Variants in TRPM3 observed in about 807,000 individuals in gnomAD.
TRPM3 encodes the protein transient receptor potential cation channel subfamily M member 3.
In TRPM3, 77 loss-of-function variants were observed where a neutral mutation model predicts 181.2. The ratio of observed to expected loss-of-function variants is 0.42; its 90% CI spans 0.35 to 0.51. TRPM3 has a LOEUF of 0.51. TRPM3 is among the 20% of genes least tolerant of loss of function. The probability of loss-of-function intolerance (pLI) is 0.01; values close to 1 mark genes in which losing one functional copy is unlikely to be tolerated. For missense variants in TRPM3, 1,759 were observed against 2,196.7 expected (o/e 0.80, Z 3.98); for synonymous variants, 745 against 796.4 (o/e 0.94, Z 1.09).
chr9:71,399,655 A>T (rs967802382), intron 1 of TRPM3, among the ~76,000 whole-genome samples: 5 of 150,598 alleles, frequency 3.3e-5, no homozygotes, highest in African/African-American at 1.2e-4. Flanking sequence ...CAGCCTCCCA[A>T]GTAGCTGGGA....
chr9:70,654,590 C>T (rs1360895679), intron 9 of TRPM3, among the ~76,000 whole-genome samples: 2 of 152,016 alleles, frequency 1.3e-5, no homozygotes, highest in Non-Finnish European at 2.9e-5. Context: ...CCCTAGGCCA[C>T]AGCTCAATTC....
chr9:70,637,672 G>T (rs1360146172), intron 11 of TRPM3, among the ~76,000 whole-genome samples: 1 of 152,050 alleles, frequency 6.6e-6, no homozygotes, highest in African/African-American at 2.4e-5. Flanking sequence ...GTGCCAGCGT[G>T]GCACCATCTA....
At chr9:71,289,520 T>A (rs1588314356) in intron 1 of TRPM3, among the ~76,000 whole-genome samples, 2 of 152,198 alleles carry the variant, frequency 1.3e-5, no homozygotes, top group East Asian at 3.9e-4. Context: ...GTTCTAGTGT[T>A]CAATAGTACA....
At chr9:70,942,432 T>C (rs1225487382) in intron 1 of TRPM3, among the ~76,000 whole-genome samples, 1 of 152,104 alleles carries the variant, frequency 6.6e-6, no homozygotes, top group Non-Finnish European at 1.5e-5. Context: ...AAAGAAGAGG[T>C]GAGCATCTCA....
rs369748350 is a variant in TRPM3 at position 70,536,235 on chromosome 9, C to T, written c.4878G>A (p.Gln1626=). 6 of 1,614,096 alleles carry T rather than the reference C, an allele frequency of 3.7e-6. No homozygotes were observed. The highest frequency in any genetic ancestry group is 1.7e-5 in the Admixed American group (1 of 60,010). Residue 1626 remains glutamine (Q), a synonymous_variant, in exon 26 of 26, where the codon CAG becomes CAA. Coordinates refer to ENST00000677713, the MANE Select transcript of TRPM3 (RefSeq NM_001366145.2). ...GRRATIAISS[Q]EGDNSERTLS... ...GGGTTCTCTCTGAGTTATCACCCTC[C>T]TGGGAGGATATTGCAATGGTGGCTC... is the stretch of plus-strand genomic sequence containing the variant.
chr9:71,229,049 G>A (rs916494432), intron 1 of TRPM3, among the ~76,000 whole-genome samples: 4 of 152,094 alleles, frequency 2.6e-5, no homozygotes, highest in African/African-American at 4.8e-5. Flanking sequence ...AAGGAATCAC[G>A]TTACCTGACT....
chr9:70,763,581 T>C (rs55657502), intron 7 of TRPM3, among the ~76,000 whole-genome samples: 2,706 of 152,324 alleles, frequency 0.018, 36 homozygotes, highest in Middle Eastern at 0.051. Context: ...TTAATTATTC[T>C]GAATGATTCT....
intron 1 of TRPM3, among the ~76,000 whole-genome samples, chr9:71,004,520 A>G (rs1463482568): frequency 6.6e-6 from 1 of 152,236 alleles, no homozygotes; most frequent in African/African-American, 2.4e-5. Flanking sequence ...GAACAGGCAA[A>G]TGGGGGAGGT....
At chr9:70,654,712 T>G (rs2060046317) in intron 9 of TRPM3, among the ~76,000 whole-genome samples, 1 of 149,850 alleles carries the variant, frequency 6.7e-6, no homozygotes, top group Non-Finnish European at 1.5e-5. Context: ...AGGTGGAGTC[T>G]CGCTCTGTCA....
intron 1 of TRPM3, among the ~76,000 whole-genome samples, chr9:71,132,327 C>T (rs537687972): frequency 2.6e-5 from 4 of 151,246 alleles, no homozygotes; most frequent in African/African-American, 7.2e-5. Context: ...GGGAACCACA[C>T]ACTGAGCATT....
intron 1 of TRPM3, among the ~76,000 whole-genome samples, chr9:71,212,006 A>G (rs913169700): frequency 2.0e-5 from 3 of 152,176 alleles, no homozygotes; most frequent in African/African-American, 7.2e-5. Context: ...CCAGGCCCCA[A>G]GATGTTGGGG....
chr9:71,126,873 T>C (rs2074064724), intron 1 of TRPM3, among the ~76,000 whole-genome samples: 1 of 152,198 alleles, frequency 6.6e-6, no homozygotes, highest in South Asian at 2.1e-4. Flanking sequence ...ACAGTTCTGG[T>C]TGACAGAAAA....
At chr9:71,344,141 AC>A in intron 1 of TRPM3, among the ~76,000 whole-genome samples, 1 of 152,160 alleles carries the variant, frequency 6.6e-6, no homozygotes, top group East Asian at 1.9e-4. Context: ...GTCATTTTAA[AC>A]CACCACAGAA....
At chr9:71,335,745 CAT>C (rs1179002087) in intron 1 of TRPM3, among the ~76,000 whole-genome samples, 2 of 151,994 alleles carry the variant, frequency 1.3e-5, no homozygotes, top group Non-Finnish European at 2.9e-5. Context: ...ATTTTGTAAA[CAT>C]AAAGAATGTC....
chr9:70,811,211 A>T (rs2131408936), intron 6 of TRPM3: 4 of 1,612,682 alleles, frequency 2.5e-6, no homozygotes, highest in Non-Finnish European at 3.4e-6. Context: ...TGAATAAAAC[A>T]AGCGGGAGTC....
chr9:71,410,102 T>C (rs1006175627), intron 1 of TRPM3, among the ~76,000 whole-genome samples: 5 of 152,252 alleles, frequency 3.3e-5, no homozygotes, highest in Admixed American at 3.3e-4. Flanking sequence ...GGGACACATT[T>C]AAAGCAGTGT....
intron 1 of TRPM3, among the ~76,000 whole-genome samples, chr9:70,867,697 T>G (rs546766906): frequency 6.6e-6 from 1 of 152,232 alleles, no homozygotes; most frequent in African/African-American, 2.4e-5. Context: ...ATAGAAAGAA[T>G]GCAGGTATAA....
chr9:71,342,387 T>G (rs1247311954), intron 1 of TRPM3, among the ~76,000 whole-genome samples: 2 of 150,864 alleles, frequency 1.3e-5, no homozygotes, highest in Non-Finnish European at 3.0e-5. Context: ...TATGCCCAAA[T>G]AGAAAAGACT....
intron 11 of TRPM3, among the ~76,000 whole-genome samples, chr9:70,637,745 A>C (rs1589635574): frequency 6.6e-6 from 1 of 151,948 alleles, no homozygotes; most frequent in East Asian, 1.9e-4. Flanking sequence ...GCGTGATGGG[A>C]CAGAGGCATT....
Sources: allele counts gnomAD v4.1 joint callset (sites outside exome capture counted in the v4.1 genomes callset), GRCh38; gene constraint gnomAD v4.1.1; transcripts MANE v1.5; gene names NCBI Gene and HGNC (gene_info 2026-07-23, HGNC 2026-07-21).